The following B3GALNT2 variants were observed in gnomAD, a reference collection of about 807,000 sequenced individuals.
B3GALNT2 encodes beta-1,3-N-acetylgalactosaminyltransferase 2, also known as UDP-GalNAc:beta-1,3-N-acetylgalactosaminyltransferase 2.
B3GALNT2 carries 53 observed loss-of-function variants against 61.1 expected under a neutral mutation model. That is an observed-to-expected ratio of 0.87 (90% CI 0.70 to 1.09). The LOEUF is 1.09. Among genes scored for constraint, B3GALNT2 ranks in the 50% least tolerant of loss-of-function variants. The pLI is 0.00. For synonymous variants in B3GALNT2, 223 were observed against 237.4 expected, an observed-to-expected ratio of 0.94 and a Z score of 0.56; for missense variants, 544 against 623.0, an observed-to-expected ratio of 0.87 and a Z score of 1.35.
At chr1:235,440,458 T>C in the B3GALNT2 span, among the ~76,000 whole-genome samples, 1 of 152,028 alleles carries the variant, frequency 6.6e-6, no homozygotes. Flanking sequence ...AATGGCGCGA[T>C]CTCGGCTCAC....
At chr1:235,484,204 A>C in intron 4 of B3GALNT2, 118 bp downstream of exon 4, 1 of 1,385,524 alleles carries the variant, frequency 7.2e-7, no homozygotes, top group South Asian at 1.8e-5. Context: ...GAAAGGTGAA[A>C]GTCTCTCAAC....
rs1216244088 is a variant in B3GALNT2, at chr1:235,450,170, T to C, written c.*36A>G. 2 of 1,612,634 alleles carry C rather than the reference T, an allele frequency of 1.2e-6. No homozygotes were observed. Among genetic ancestry groups the C allele is most frequent in the African/African-American group, 1.3e-5 (1 of 74,894 alleles). ...ACTTGCACTCAGATTATCGTTTGCC[T>C]GCCCTGATTTTAGACTCTGCTAATT... On this transcript the variant is annotated 3_prime_UTR_variant, in exon 12 of 12. Coordinates refer to ENST00000366600, the MANE Select transcript of B3GALNT2 (RefSeq NM_152490.5).
At chr1:235,467,545 C>T (rs1273247860) in intron 6 of B3GALNT2, among the ~76,000 whole-genome samples, 1 of 146,956 alleles carries the variant, frequency 6.8e-6, no homozygotes, top group Non-Finnish European at 1.5e-5. Flanking sequence ...AGTGCGATGG[C>T]GTGATTTCGG....
intron 5 of B3GALNT2, among the ~76,000 whole-genome samples, chr1:235,474,966 TATATATATATATATA>T (rs1684178822): frequency 1.5e-4 from 4 of 25,962 alleles, no homozygotes; most frequent in East Asian, 1.3e-3. Context: ...TATATATATA[TATATATATATATATA>T]TATATATTTT....
Position 235,450,015 on chromosome 1 carries a change from A to C in B3GALNT2, c.*191T>G. 1 of 537,558 alleles carries C rather than the reference A, an allele frequency of 1.9e-6. No homozygotes were observed. Among genetic ancestry groups the C allele is most frequent in the East Asian group, 3.1e-5 (1 of 32,680 alleles). 33.3% of individuals were successfully genotyped at this position (537,558 alleles called of 1,614,324 possible). A position where few individuals can be genotyped will look rare whatever the true frequency, so the allele number is the denominator to read the frequency against. On this transcript the variant is annotated 3_prime_UTR_variant, in exon 12 of 12. Transcript: ENST00000366600. ...TAAATAAAAACTTTTCTTATGCTAC[A>C]GTACAAGTTGATTTTTAAGGAAATT...
rs548690083 is a variant in B3GALNT2, at chr1:235,464,005, A to G, written c.841+1631T>C. ...ACATCTACAGTCACTGATTTTCAAC[A>G]AATGGGTGCTGGGACAACTGGATAT... On this transcript the variant is annotated intron_variant, in intron 7 of 11. Coordinates refer to ENST00000366600, the MANE Select transcript of B3GALNT2 (RefSeq NM_152490.5). 24 of 152,410 alleles carry G rather than the reference A, an allele frequency of 1.6e-4. No individual in the cohort carries two copies. The South Asian group carries it at 2.5e-3, about 16-fold the overall frequency. 9.4% of individuals were successfully genotyped at this position (152,410 alleles called of 1,614,324 possible). A position where few individuals can be genotyped will look rare whatever the true frequency, so the allele number is the denominator to read the frequency against.
At chr1:235,480,033 T>G in intron 5 of B3GALNT2, 21 bp downstream of exon 5, 1 of 1,613,234 alleles carries the variant, frequency 6.2e-7, no homozygotes, top group South Asian at 1.1e-5. Flanking sequence ...GGTACTACAG[T>G]CTTTTCCTGC....
intron 4 of B3GALNT2, among the ~76,000 whole-genome samples, chr1:235,483,625 A>T (rs1449154252): frequency 2.0e-5 from 3 of 152,210 alleles, no homozygotes; most frequent in Admixed American, 6.5e-5. Flanking sequence ...TACAAAAATT[A>T]GCCAGGTGTG....
In B3GALNT2 at chr1:235,448,461, C is replaced by G. The variant is rs920464068; in HGVS notation, c.*1745G>C. On this transcript the variant is annotated 3_prime_UTR_variant, in exon 12 of 12. Transcript: ENST00000366600. ...CCAAAGTAAGTTGCCCAGCAAAATA[C>G]AAAGTCAAAGTCAAGCTTAGTCCTC... is the stretch of plus-strand genomic sequence containing the variant. 3 of 1,604,868 alleles carry G rather than the reference C, an allele frequency of 1.9e-6. No individual in the cohort carries two copies. Among genetic ancestry groups the G allele is most frequent in the Non-Finnish European group, 2.6e-6 (3 of 1,171,684 alleles).
At position 235,483,928 on chromosome 1, in the gene B3GALNT2, A is replaced by G. The variant is rs544877034; in HGVS notation, c.555+394T>C. Among the ~76,000 whole-genome samples, 8 of 152,332 alleles carry G rather than the reference A, an allele frequency of 5.3e-5. No individual in the cohort carries two copies. The South Asian group carries it at 1.7e-3, about 32-fold the overall frequency. On this transcript the variant is annotated intron_variant, in intron 4 of 11. Transcript: ENST00000366600. ...ATTCCCTCTATATCCTTATTACAAAAAAGATTTGAAGCAGTTATTAGCCTT... is the reference window on the plus strand; with the variant it reads ...ATTCCCTCTATATCCTTATTACAAAGAAGATTTGAAGCAGTTATTAGCCTT...
intron 3 of B3GALNT2, among the ~76,000 whole-genome samples, chr1:235,487,963 T>G (rs1183828950): frequency 1.3e-5 from 2 of 152,090 alleles, no homozygotes; most frequent in Non-Finnish European, 2.9e-5. Context: ...TAATGTTTTT[T>G]TTTTCAGACA....
At chr1:235,495,147 A>G (rs1685258865) in intron 1 of B3GALNT2, among the ~76,000 whole-genome samples, 1 of 152,222 alleles carries the variant, frequency 6.6e-6, no homozygotes, top group African/African-American at 2.4e-5. Flanking sequence ...AGTAGGCATT[A>G]AGAGTCAATT....
intron 8 of B3GALNT2, among the ~76,000 whole-genome samples, chr1:235,458,402 C>A (rs776069075): frequency 6.6e-6 from 1 of 151,862 alleles, no homozygotes; most frequent in Non-Finnish European, 1.5e-5. Flanking sequence ...AGCAAAAGAA[C>A]AATAAGGCAC....
In B3GALNT2 at chr1:235,449,317, T is replaced by A. The variant is rs907300162; in HGVS notation, c.*889A>T. 3 of 142,876 alleles carry A rather than the reference T, an allele frequency of 2.1e-5. No homozygotes were observed. Among genetic ancestry groups the A allele is most frequent in the African/African-American group, 9.4e-5 (3 of 31,998 alleles). 8.9% of individuals were successfully genotyped at this position (142,876 alleles called of 1,614,324 possible). Reference sequence around the variant, plus strand: ...CAATTATACCTAAGCTGAGTATATCTTCTTCTGTGATAACCAGCTTTGATT... The same window carrying A: ...CAATTATACCTAAGCTGAGTATATCATCTTCTGTGATAACCAGCTTTGATT... On this transcript the variant is annotated 3_prime_UTR_variant, in exon 12 of 12. Transcript: ENST00000366600.
chr1:235,454,192 C>G lies in B3GALNT2; in HGVS notation c.1275G>C (p.Trp425Cys). 7 of 1,612,112 alleles carry G rather than the reference C, an allele frequency of 4.3e-6. No individual in the cohort carries two copies. The highest frequency in any genetic ancestry group is 5.9e-6 in the Non-Finnish European group (7 of 1,179,144). Residue 425 changes from tryptophan (W) to cysteine (C), a missense_variant, in exon 10 of 12, where the codon TGG (tryptophan) becomes TGC (cysteine). By Grantham distance (215) the Trp-to-Cys change is radical. Coordinates refer to ENST00000366600, the MANE Select transcript of B3GALNT2 (RefSeq NM_152490.5). Reference sequence around the variant, plus strand: ...TTAACCTCCCCGAGTTGCTTGCCAGCCACTTGACGATGTCCTTGGAGATCA... The same window carrying G: ...TTAACCTCCCCGAGTTGCTTGCCAGGCACTTGACGATGTCCTTGGAGATCA... ...GYVISKDIVK[W>C]LASNSGRLKT...
intron 5 of B3GALNT2, among the ~76,000 whole-genome samples, chr1:235,473,219 CCTTT>C (rs1187538641): frequency 1.5e-4 from 23 of 152,238 alleles, no homozygotes; most frequent in African/African-American, 4.3e-4. Flanking sequence ...CCTTTCCCTT[CCTTT>C]CTTTCCTTTT....
intron 6 of B3GALNT2, among the ~76,000 whole-genome samples, chr1:235,468,898 G>GTTT (rs1683854256): frequency 6.6e-6 from 1 of 151,990 alleles, no homozygotes; most frequent in Non-Finnish European, 1.5e-5. Flanking sequence ...TTTTTCATAA[G>GTTT]ACTTAAAATG....
At chr1:235,442,059 G>C in the B3GALNT2 span, among the ~76,000 whole-genome samples, 39 of 150,844 alleles carry the variant, frequency 2.6e-4, no homozygotes, top group African/African-American at 9.0e-4. Flanking sequence ...CCAGGCTGGA[G>C]TGCAGTGGTG....
chr1:235,447,374 C>CTAT lies in B3GALNT2; in HGVS notation c.*2829_*2831dup, dbSNP rs1553341221. Reference sequence around the variant, plus strand: ...CTCCAGCTAAAGCTTCAAGGAAACTCTATTTCTTATAATCAAAATATCCAC... The same window carrying CTAT: ...CTCCAGCTAAAGCTTCAAGGAAACTCTATTATTTCTTATAATCAAAATATCCAC... On this transcript the variant is annotated 3_prime_UTR_variant, in exon 12 of 12. Transcript: ENST00000366600. Among the ~76,000 whole-genome samples, 11 of 152,178 alleles carry CTAT rather than the reference C, an allele frequency of 7.2e-5. No homozygotes were observed. The highest frequency in any genetic ancestry group is 2.7e-4 in the African/African-American group (11 of 41,440).
Sources: gnomAD v4.1 joint callset for allele counts (sites outside exome capture counted in the v4.1 genomes callset) on GRCh38, gnomAD v4.1.1 for gene constraint, MANE v1.5 for transcripts, NCBI Gene and HGNC (gene_info 2026-07-23, HGNC 2026-07-21) for gene names.